CDKAL1: variants seen among roughly 807,000 people sequenced by gnomAD.
CDKAL1 encodes threonylcarbamoyladenosine tRNA methylthiotransferase.
In CDKAL1, 32 loss-of-function variants were observed where a neutral mutation model predicts 68.2. The observed-to-expected ratio is 0.47, with a 90% CI of 0.35 to 0.63. The LOEUF is 0.63. CDKAL1 is among the 30% of genes least tolerant of loss of function. The pLI, the probability that CDKAL1 is intolerant of heterozygous loss-of-function variation, is 0.00. For synonymous variants in CDKAL1, 234 were observed against 244.3 expected (o/e 0.96, Z 0.39); for missense variants, 606 against 696.7 (o/e 0.87, Z 1.47).
At chr6:20,715,892 G>A (rs972710149) in intron 5 of CDKAL1, among the ~76,000 whole-genome samples, 1 of 151,986 alleles carries the variant, frequency 6.6e-6, no homozygotes, top group African/African-American at 2.4e-5. Context: ...ATTGGATCTG[G>A]GATAGAATTT....
chr6:21,093,760 G>C (rs1401406366), intron 12 of CDKAL1, among the ~76,000 whole-genome samples: 1 of 127,280 alleles, frequency 7.9e-6, no homozygotes, highest in African/African-American at 3.0e-5. Context: ...CTGTCTTCCA[G>C]GCTGGAGTGC....
intron 7 of CDKAL1, among the ~76,000 whole-genome samples, chr6:20,773,947 A>C (rs1775061374): frequency 6.6e-6 from 1 of 152,094 alleles, no homozygotes. Flanking sequence ...CTTCACTAGG[A>C]ATATTTCCAG....
At chr6:21,172,733 T>C (rs1268293991) in intron 13 of CDKAL1, among the ~76,000 whole-genome samples, 1 of 152,158 alleles carries the variant, frequency 6.6e-6, no homozygotes, top group African/African-American at 2.4e-5. Flanking sequence ...TCCAGCCTGG[T>C]GACAGAGCAA....
intron 4 of CDKAL1, among the ~76,000 whole-genome samples, chr6:20,598,030 C>T (rs1485456841): frequency 1.3e-5 from 2 of 152,164 alleles, no homozygotes; most frequent in African/African-American, 4.8e-5. Flanking sequence ...TCCTGTTATT[C>T]CCTCCTCTCT....
chr6:21,068,497 G>C (rs1014286289), intron 12 of CDKAL1, among the ~76,000 whole-genome samples: 1 of 151,992 alleles, frequency 6.6e-6, no homozygotes, highest in Non-Finnish European at 1.5e-5. Context: ...TATCATTCTT[G>C]TCTCACTCGC....
At chr6:21,223,577 C>T (rs910698387) in intron 15 of CDKAL1, among the ~76,000 whole-genome samples, 3 of 150,390 alleles carry the variant, frequency 2.0e-5, no homozygotes, top group African/African-American at 7.6e-5. Flanking sequence ...GAAGAAAGGC[C>T]TCTAAACAAC....
intron 5 of CDKAL1, among the ~76,000 whole-genome samples, chr6:20,674,258 T>C (rs890686523): frequency 6.6e-6 from 1 of 152,314 alleles, no homozygotes. Flanking sequence ...TTTGTCCAGT[T>C]TGTCTTTTGT....
intron 9 of CDKAL1, among the ~76,000 whole-genome samples, chr6:20,850,886 A>G (rs2150504087): frequency 6.6e-6 from 1 of 152,328 alleles, no homozygotes; most frequent in Middle Eastern, 3.4e-3. Context: ...AAATATGCTG[A>G]CTATGCATTC....
At chr6:21,028,392 A>C (rs1157471364) in intron 11 of CDKAL1, among the ~76,000 whole-genome samples, 1 of 152,184 alleles carries the variant, frequency 6.6e-6, no homozygotes, top group Non-Finnish European at 1.5e-5. Flanking sequence ...CTTAAACAAT[A>C]GAAATATATT....
At chr6:20,972,971 T>C (rs905694822) in intron 10 of CDKAL1, among the ~76,000 whole-genome samples, 4 of 151,940 alleles carry the variant, frequency 2.6e-5, no homozygotes, top group African/African-American at 9.7e-5. Context: ...AATTGAAGAC[T>C]TTAGGCCGAG....
chr6:21,046,370 G>A (rs1770231571), intron 11 of CDKAL1, among the ~76,000 whole-genome samples: 3 of 152,230 alleles, frequency 2.0e-5, no homozygotes, highest in South Asian at 2.1e-4. Flanking sequence ...GCCATACCCA[G>A]CATTCCAGCA....
chr6:20,936,068 T>G (rs1273164230), intron 9 of CDKAL1, among the ~76,000 whole-genome samples: 1 of 152,206 alleles, frequency 6.6e-6, no homozygotes, highest in Non-Finnish European at 1.5e-5. Context: ...CTTTACTGTA[T>G]CTAACTTTAA....
chr6:21,185,503 T>TG (rs1777972975), intron 13 of CDKAL1, among the ~76,000 whole-genome samples: 1 of 152,230 alleles, frequency 6.6e-6, no homozygotes, highest in Admixed American at 6.5e-5. Context: ...ACTACCTACA[T>TG]GCTCACCTAC....
chr6:21,074,296 G>T (rs1397538963), intron 12 of CDKAL1, among the ~76,000 whole-genome samples: 1 of 152,098 alleles, frequency 6.6e-6, no homozygotes, highest in African/African-American at 2.4e-5. Context: ...TTGTCACAAG[G>T]TGTCCGTGTA....
chr6:20,751,609 T>C (rs1184212992), intron 6 of CDKAL1, among the ~76,000 whole-genome samples: 1 of 152,244 alleles, frequency 6.6e-6, no homozygotes, highest in Admixed American at 6.5e-5. Context: ...GTTTCTTCAA[T>C]ACATGTCTAG....
chr6:20,979,756 A>G (rs1766017156), intron 10 of CDKAL1, among the ~76,000 whole-genome samples: 2 of 146,274 alleles, frequency 1.4e-5, no homozygotes, highest in Non-Finnish European at 3.0e-5. Flanking sequence ...TTGATATTAA[A>G]ATTTTTTCAT....
rs1459476412 is a variant in CDKAL1, at chr6:20,897,379, A to C, written c.742+51201A>C. 2.0e-5 allele frequency among the ~76,000 whole-genome samples: 3 copies of C among 152,236 alleles called. No homozygotes were observed. The East Asian group carries it at 5.8e-4, about 29-fold the overall frequency. ...GGTAGAAAGATGCAGGCTCAGATGAAGAAGTGATTAGTATGCCAAGCCCCT... is the reference window on the plus strand; with the variant it reads ...GGTAGAAAGATGCAGGCTCAGATGACGAAGTGATTAGTATGCCAAGCCCCT... On this transcript the variant is annotated intron_variant, in intron 9 of 15. Coordinates refer to ENST00000274695, the MANE Select transcript of CDKAL1 (RefSeq NM_017774.3).
In CDKAL1 at chr6:20,780,853, T is replaced by C. The variant is rs184896728; in HGVS notation, c.518-292T>C. ...CACACCCGGCTTATTTTTGTACTTT[T>C]AATAGAGATGGAGTTTCACCATGTT... On this transcript the variant is annotated intron_variant, in intron 7 of 15. Coordinates refer to ENST00000274695, the MANE Select transcript of CDKAL1 (RefSeq NM_017774.3). 6.1e-4 allele frequency among the ~76,000 whole-genome samples: 93 copies of C among 152,184 alleles called. No homozygotes were observed. The East Asian group carries it at 0.017, about 28-fold the overall frequency.
intron 4 of CDKAL1, among the ~76,000 whole-genome samples, chr6:20,600,917 T>C (rs994338489): frequency 6.6e-6 from 1 of 151,870 alleles, no homozygotes; most frequent in Non-Finnish European, 1.5e-5. Context: ...CAATATTAGA[T>C]TAGGATGAGA....
Sources: gnomAD v4.1 joint callset for allele counts (sites outside exome capture counted in the v4.1 genomes callset) on GRCh38, gnomAD v4.1.1 for gene constraint, MANE v1.5 for transcripts, NCBI Gene and HGNC (gene_info 2026-07-23, HGNC 2026-07-21) for gene names.